NMRAL1: variants seen among roughly 807,000 people sequenced by gnomAD.
The protein encoded by NMRAL1 is NmrA like redox sensor 1.
In NMRAL1, 32 loss-of-function variants were observed where a neutral mutation model predicts 27.5. That is an observed-to-expected ratio of 1.16 (90% confidence interval 0.88 to 1.56). The LOEUF (loss-of-function observed/expected upper bound fraction) is 1.56, where lower values mean the gene tolerates loss of function less well. NMRAL1 is among the 40% of genes most tolerant of loss of function. The probability of loss-of-function intolerance (pLI) is 0.00; values close to 1 mark genes in which losing one functional copy is unlikely to be tolerated. For synonymous variants in NMRAL1, 166 were observed against 166.8 expected (o/e 1.00, Z 0.04); for missense variants, 420 against 392.0 (o/e 1.07, Z -0.60).
At chr16:4,464,022 G>A in intron 4 of NMRAL1, 172 bp from the exon 5 acceptor site, 1 of 562,738 alleles carries the variant, frequency 1.8e-6, no homozygotes, top group Non-Finnish European at 3.1e-6. Context: ...AGGCAGCAGT[G>A]GAATTGAGTC....
At chr16:4,463,437 T>C (rs1339988905) in intron 5 of NMRAL1, 2 of 544,956 alleles carry the variant, frequency 3.7e-6, no homozygotes, top group Non-Finnish European at 6.3e-6. Flanking sequence ...CCTATGGCCC[T>C]CTCCTCCTGG....
intron 2 of NMRAL1, 200 bp from the exon 3 acceptor site, chr16:4,469,665 A>C (rs1192074716): frequency 8.8e-7 from 1 of 1,135,768 alleles, no homozygotes; most frequent in African/African-American, 1.6e-5. Context: ...GCTGAAGTGC[A>C]GTGGCACGAT....
At chr16:4,471,898 G>GACCC (rs1016302427) in intron 2 of NMRAL1, among the ~76,000 whole-genome samples, 3 of 151,770 alleles carry the variant, frequency 2.0e-5, no homozygotes, top group African/African-American at 7.3e-5. Flanking sequence ...AGCAGGGTGA[G>GACCC]ACCCAGTCTC....
intron 2 of NMRAL1, 42 bp downstream of exon 2, chr16:4,474,051 C>A: frequency 1.3e-6 from 2 of 1,527,232 alleles, no homozygotes; most frequent in Admixed American, 1.7e-5. Context: ...CAGGGCTAGG[C>A]GCCCTGGCTC....
upstream of NMRAL1, among the ~76,000 whole-genome samples, chr16:4,475,267 A>C (rs991048468): frequency 2.0e-5 from 3 of 150,298 alleles, no homozygotes; most frequent in South Asian, 4.2e-4. Flanking sequence ...CTCACTTCTG[A>C]AGTTGCTGCT....
intron 2 of NMRAL1, among the ~76,000 whole-genome samples, chr16:4,470,998 T>C (rs1233302037): frequency 1.3e-5 from 2 of 151,208 alleles, no homozygotes; most frequent in East Asian, 1.9e-4. Context: ...TCCCAGCTAC[T>C]TGGGAGGCTG....
At chr16:4,470,161 CAAAAAAAAAAA>C (rs34104543) in intron 2 of NMRAL1, among the ~76,000 whole-genome samples, 14,466 of 51,776 alleles carry the variant, frequency 0.28, 1,902 homozygotes, top group African/African-American at 0.47. Flanking sequence ...GATTCCCTCT[CAAAAAAAAAAA>C]AAAAAAAAAA....
At chr16:4,472,209 C>T (rs2057592724) in intron 2 of NMRAL1, among the ~76,000 whole-genome samples, 1 of 152,232 alleles carries the variant, frequency 6.6e-6, no homozygotes, top group African/African-American at 2.4e-5. Flanking sequence ...TATTACTCAG[C>T]CATAAAAATA....
chr16:4,463,659 C>A lies in NMRAL1; in HGVS notation c.720+1G>T. 1 of 1,612,980 alleles carries A rather than the reference C, an allele frequency of 6.2e-7. No homozygotes were observed. The highest frequency in any genetic ancestry group is 8.5e-7 in the Non-Finnish European group (1 of 1,179,892). On this transcript the variant is annotated splice_donor_variant, in intron 5 of 5. Coordinates refer to ENST00000283429, the MANE Select transcript of NMRAL1 (RefSeq NM_020677.6). LOFTEE classifies it high-confidence loss of function. Reference sequence around the variant, plus strand: ...TGAGTCACCTGGGGCGGGAGGCCCACCTTGGCATCGTGCACGACCTTGCGG... The same window carrying A: ...TGAGTCACCTGGGGCGGGAGGCCCAACTTGGCATCGTGCACGACCTTGCGG...
At chr16:4,475,368 T>G (rs1038892118), upstream of NMRAL1, among the ~76,000 whole-genome samples, 4 of 141,628 alleles carry the variant, frequency 2.8e-5, no homozygotes, top group Non-Finnish European at 5.9e-5. Flanking sequence ...GCAGTGGTGG[T>G]GCGATCTTGG....
At chr16:4,473,064 G>A (rs2057648640) in intron 2 of NMRAL1, among the ~76,000 whole-genome samples, 1 of 148,568 alleles carries the variant, frequency 6.7e-6, no homozygotes, top group African/African-American at 2.5e-5. Context: ...GCCTTGACCT[G>A]CTGGACTCAG....
At chr16:4,463,970 C>T (rs936662109) in intron 4 of NMRAL1, 120 bp from the exon 5 acceptor site, 18 of 696,968 alleles carry the variant, frequency 2.6e-5, no homozygotes, top group Middle Eastern at 2.5e-4. Flanking sequence ...CTCCAGCACT[C>T]GGGCATAGCT....
chr16:4,465,837 C>T (rs2057300952), intron 4 of NMRAL1, among the ~76,000 whole-genome samples: 1 of 152,222 alleles, frequency 6.6e-6, no homozygotes. Context: ...GCCACAGCGC[C>T]CGGCCCTCCT....
intron 4 of NMRAL1, 58 bp from the exon 5 acceptor site, chr16:4,463,908 G>C: frequency 6.9e-7 from 1 of 1,458,998 alleles, no homozygotes; most frequent in Admixed American, 1.9e-5. Context: ...GGCAGGGACA[G>C]AGCCCCTCTC....
At chr16:4,473,800 C>T (rs550782589) in intron 2 of NMRAL1, among the ~76,000 whole-genome samples, 36 of 152,072 alleles carry the variant, frequency 2.4e-4, no homozygotes, top group African/African-American at 8.2e-4. Flanking sequence ...GTGGCATGCC[C>T]TTGTAATCCC....
At chr16:4,473,983 TGGGTCGG>T in intron 2 of NMRAL1, 103 bp downstream of exon 2, 1 of 772,196 alleles carries the variant, frequency 1.3e-6, no homozygotes, top group Non-Finnish European at 2.1e-6. Flanking sequence ...AGCCCCAACC[TGGGTCGG>T]GGGTCCCAGT....
chr16:4,470,526 A>G (rs2057521575), intron 2 of NMRAL1, among the ~76,000 whole-genome samples: 2 of 152,142 alleles, frequency 1.3e-5, no homozygotes, highest in African/African-American at 4.8e-5. Context: ...AGTAGAATAC[A>G]AAACCATATT....
At position 4,461,843 on chromosome 16, in the gene NMRAL1, G is replaced by A. The variant is rs2141410079; in HGVS notation, c.837C>T (p.Asn279=). The A allele has an allele frequency of 1.2e-6, 2 of 1,614,228 alleles. No homozygotes were observed. The highest frequency in any genetic ancestry group is 2.2e-5 in the East Asian group (1 of 44,880). Residue 279 remains asparagine, a synonymous_variant, in exon 6 of 6, where the codon AAC becomes AAT. Coordinates refer to ENST00000283429, the MANE Select transcript of NMRAL1 (RefSeq NM_020677.6). ...DRDIELTLRL[N]PKALTLDQWL... ...ACTGGTCCAGCGTCAGGGCCTTGGG[G>A]TTGAGTCTCAGGGTCAGCTCGATGT...
intron 2 of NMRAL1, among the ~76,000 whole-genome samples, chr16:4,472,743 C>CAAA (rs1351049797): frequency 0.049 from 3,743 of 76,958 alleles, 242 homozygotes; most frequent in African/African-American, 0.15. Flanking sequence ...GACTCTGTCT[C>CAAA]AAAAAAAAAA....
Sources: gnomAD v4.1 joint callset for allele counts (sites outside exome capture counted in the v4.1 genomes callset) on GRCh38, gnomAD v4.1.1 for gene constraint, MANE v1.5 for transcripts, NCBI Gene and HGNC (gene_info 2026-07-23, HGNC 2026-07-21) for gene names.